Variants in UGT1A6 observed in about 807,000 individuals in gnomAD.
UGT1A6 encodes UDP-glucuronosyltransferase 1A6.
UGT1A6 carries 32 observed loss-of-function variants against 44.4 expected under a neutral mutation model. The observed-to-expected ratio is 0.72, with a 90% CI of 0.54 to 0.97. The LOEUF is 0.97. Among genes scored for constraint, UGT1A6 ranks in the 50% least tolerant of loss-of-function variants. The pLI, the probability that UGT1A6 is intolerant of heterozygous loss-of-function variation, is 0.00. For missense variants in UGT1A6, 685 were observed against 661.9 expected (o/e 1.03, Z -0.38); for synonymous variants, 238 against 248.5 (o/e 0.96, Z 0.40).
At chr2:233,704,563 A>G (rs1009157826) in intron 1 of UGT1A6, among the ~76,000 whole-genome samples, 11 of 152,202 alleles carry the variant, frequency 7.2e-5, no homozygotes, top group Non-Finnish European at 1.6e-4. Context: ...TTATATAAAT[A>G]CACATGCTTT....
chr2:233,704,137 C>T (rs562114824), intron 1 of UGT1A6, among the ~76,000 whole-genome samples: 13 of 152,058 alleles, frequency 8.5e-5, no homozygotes, highest in South Asian at 8.3e-4. Context: ...GTGATCCACC[C>T]GCCTCAGCCT....
At chr2:233,765,145 T>A (rs1698762439) in intron 1 of UGT1A6, among the ~76,000 whole-genome samples, 1 of 152,138 alleles carries the variant, frequency 6.6e-6, no homozygotes, top group Admixed American at 6.5e-5. Context: ...ACATCACATG[T>A]CCTAGGGAAC....
intron 1 of UGT1A6, among the ~76,000 whole-genome samples, chr2:233,766,718 A>C (rs1196148509): frequency 6.6e-6 from 1 of 152,074 alleles, no homozygotes; most frequent in East Asian, 1.9e-4. Flanking sequence ...CTCTAAGTGG[A>C]ATTATCACTG....
In UGT1A6 at chr2:233,693,780, T is replaced by C. The variant is rs2125556695; in HGVS notation, c.776T>C (p.Phe259Ser). The C allele has an allele frequency of 1.2e-6, 2 of 1,614,220 alleles. No individual in the cohort carries two copies. Among genetic ancestry groups the C allele is most frequent in the East Asian group, 2.2e-5 (1 of 44,882 alleles). ...KVSVWLLRYD[F>S]VLEYPRPVMP... ...TCTGTTTGGCTGTTAAGATATGACT[T>C]TGTGCTTGAATATCCTAGGCCGGTC... Residue 259 changes from phenylalanine (F) to serine (S), a missense_variant, in exon 1 of 5, where the codon TTT (phenylalanine) becomes TCT (serine). Transcript: ENST00000305139.
chr2:233,772,592 C>A lies in UGT1A6; in HGVS notation c.*33C>A. 1.3e-6 allele frequency: 2 copies of A among 1,599,668 alleles called. No homozygotes were observed. The highest frequency in any genetic ancestry group is 1.7e-6 in the Non-Finnish European group (2 of 1,172,304). On this transcript the variant is annotated 3_prime_UTR_variant, in exon 5 of 5. Transcript: ENST00000305139. ...GTGGGAAATAAGGTAAAATTTTGAA[C>A]CATTCCCTAGTCATTTCCAAACTTG...
chr2:233,772,831 T>A lies in UGT1A6; in HGVS notation c.*272T>A. ...AGAGGACGTGCAGACAGGCTGGCATTCTAGATTACTTTTCTTACTCTGAAA... is the reference window on the plus strand; with the variant it reads ...AGAGGACGTGCAGACAGGCTGGCATACTAGATTACTTTTCTTACTCTGAAA... On this transcript the variant is annotated 3_prime_UTR_variant, in exon 5 of 5. Coordinates refer to ENST00000305139, the MANE Select transcript of UGT1A6 (RefSeq NM_001072.4). 1 of 893,950 alleles carries A rather than the reference T, an allele frequency of 1.1e-6. No individual in the cohort carries two copies. The highest frequency in any genetic ancestry group is 1.6e-6 in the Non-Finnish European group (1 of 642,656). The allele number at this position is 893,950 out of a possible 1,614,324, so 55.4% of individuals were successfully genotyped here. A position where few individuals can be genotyped will look rare whatever the true frequency, so the allele number is the denominator to read the frequency against.
At chr2:233,766,273 TGGCCCGGGCTC>T (rs1203864514) in intron 1 of UGT1A6, among the ~76,000 whole-genome samples, 29 of 151,808 alleles carry the variant, frequency 1.9e-4, no homozygotes, top group Admixed American at 3.9e-4. Context: ...CCGGGCTCGG[TGGCCCGGGCTC>T]GGTGGCCTGG....
intron 1 of UGT1A6, chr2:233,760,342 G>C (rs2125982896): frequency 6.2e-7 from 1 of 1,614,102 alleles, no homozygotes; most frequent in East Asian, 2.2e-5. Flanking sequence ...GCTGCTGTGT[G>C]TGCTGGGCCC....
At chr2:233,719,369 G>A (rs779205273) in intron 1 of UGT1A6, 113 of 1,613,764 alleles carry the variant, frequency 7.0e-5, no homozygotes, top group Non-Finnish European at 9.2e-5. Flanking sequence ...TAGACTTTAA[G>A]GGCACACAGT....
intron 1 of UGT1A6, chr2:233,719,203 G>T (rs145806554): frequency 2.5e-6 from 4 of 1,614,124 alleles, no homozygotes; most frequent in Admixed American, 3.3e-5. Flanking sequence ...CATAGGTGTT[G>T]TGTGGAGCTA....
intron 1 of UGT1A6, chr2:233,742,915 T>C (rs558840772): frequency 5.4e-6 from 1 of 183,798 alleles, no homozygotes; most frequent in East Asian, 1.4e-4. Flanking sequence ...ATGCTCAAAG[T>C]GCTGAACTGA....
intron 1 of UGT1A6, among the ~76,000 whole-genome samples, chr2:233,728,166 GGAACCATTCTTATCAGAACTT>G (rs1169648713): frequency 6.6e-6 from 1 of 152,212 alleles, no homozygotes; most frequent in Non-Finnish European, 1.5e-5. Flanking sequence ...CTGTTCTGGA[GGAACCATTCTTATCAGAACTT>G]GGTGCTGGAT....
At chr2:233,743,262 C>T (rs764022501) in intron 1 of UGT1A6, 18 of 451,920 alleles carry the variant, frequency 4.0e-5, no homozygotes, top group Non-Finnish European at 7.5e-5. Context: ...CTCCATCTTC[C>T]TCCACTTCCA....
intron 2 of UGT1A6, 151 bp downstream of exon 2, chr2:233,767,316 TG>T: frequency 6.7e-7 from 1 of 1,493,284 alleles, no homozygotes; most frequent in Non-Finnish European, 8.8e-7. Flanking sequence ...TTTTTTTTGT[TG>T]TTGTGGTTGT....
intron 1 of UGT1A6, chr2:233,742,605 G>A (rs1344042789): frequency 6.6e-6 from 1 of 151,892 alleles, no homozygotes; most frequent in Non-Finnish European, 1.5e-5. Context: ...TACCATAGTT[G>A]GAGAACCACG....
At chr2:233,719,633 C>G in intron 1 of UGT1A6, 1 of 1,614,046 alleles carries the variant, frequency 6.2e-7, no homozygotes, top group Non-Finnish European at 8.5e-7. Flanking sequence ...CGATCATGCC[C>G]AACATGGTCT....
rs569556369 is a variant in UGT1A6, at chr2:233,768,497, C to G, written c.1301+58C>G. 8 of 1,559,772 alleles carry G rather than the reference C, an allele frequency of 5.1e-6. No individual in the cohort carries two copies. The South Asian group carries it at 9.4e-5, about 18-fold the overall frequency. On this transcript the variant is annotated intron_variant, in intron 4 of 4. Coordinates refer to ENST00000305139, the MANE Select transcript of UGT1A6 (RefSeq NM_001072.4). ...CATGGCATTCATGATAAAATTGTTT[C>G]AAATATGAAAACATTTACGTAGCAT... is the stretch of plus-strand genomic sequence containing the variant.
At position 233,773,153 on chromosome 2, in the gene UGT1A6, T is replaced by C. The variant is rs2126068054; in HGVS notation, c.*594T>C. 6.5e-6 allele frequency: 1 copy of C among 154,246 alleles called. No individual in the cohort carries two copies. The highest frequency in any genetic ancestry group is 3.4e-3 in the Middle Eastern group (1 of 294). 9.6% of individuals were successfully genotyped at this position (154,246 alleles called of 1,614,324 possible). A position where few individuals can be genotyped will look rare whatever the true frequency, so the allele number is the denominator to read the frequency against. On this transcript the variant is annotated 3_prime_UTR_variant, in exon 5 of 5. Coordinates refer to ENST00000305139, the MANE Select transcript of UGT1A6 (RefSeq NM_001072.4). ...ATGATGCTATGAAATTGGTGGGTGG[T>C]GTATTTGAGAAGATAATCATTGCTT...
At position 233,772,381 on chromosome 2, in the gene UGT1A6, G is replaced by A. The variant is rs150687296; in HGVS notation, c.1421G>A (p.Arg474His). 6.8e-6 allele frequency: 11 copies of A among 1,614,106 alleles called. No individual in the cohort carries two copies. Among genetic ancestry groups the A allele is most frequent in the Middle Eastern group, 1.6e-4 (1 of 6,084 alleles). Residue 474 changes from arginine (R) to histidine (H), a missense_variant, in exon 5 of 5, where the codon CGC becomes CAC. Transcript: ENST00000305139. The stretch of plus-strand genomic sequence containing the variant: ...AGGCACAAGGGCGCGCCACACCTGC[G>A]CCCCGCAGCCCACGACCTCACCTGG... ...VMRHKGAPHL[R>H]PAAHDLTWYQ...
Sources: allele counts gnomAD v4.1 joint callset (sites outside exome capture counted in the v4.1 genomes callset), GRCh38; gene constraint gnomAD v4.1.1; transcripts MANE v1.5; gene names NCBI Gene and HGNC (gene_info 2026-07-23, HGNC 2026-07-21).